The following MYH4 variants were observed in gnomAD, a reference collection of about 807,000 sequenced individuals.
The protein encoded by MYH4 is myosin-4.
A neutral mutation model predicts 229.9 loss-of-function variants in MYH4; 200 were observed. The observed-to-expected ratio is 0.87, with a 90% CI of 0.78 to 0.98. The LOEUF (loss-of-function observed/expected upper bound fraction) is 0.98, where lower values mean the gene tolerates loss of function less well. Among genes scored for constraint, MYH4 ranks in the 50% least tolerant of loss-of-function variants. The probability of loss-of-function intolerance (pLI) is 0.00; values close to 1 mark genes in which losing one functional copy is unlikely to be tolerated. For synonymous variants in MYH4, 761 were observed against 834.6 expected, an observed-to-expected ratio of 0.91 and a Z score of 1.52; for missense variants, 2,148 against 2,332.6, an observed-to-expected ratio of 0.92 and a Z score of 1.63.
rs759769347 is a variant in MYH4, at chr17:10,452,902, G to A, written c.3142C>T (p.Leu1048Phe). The A allele has an allele frequency of 1.2e-6, 2 of 1,602,294 alleles. No individual in the cohort carries two copies. The highest frequency in any genetic ancestry group is 1.4e-5 in the African/African-American group (1 of 73,894). The change falls in exon 25 of 40, where the codon CTT (leucine) becomes TTT (phenylalanine). Residue 1048 changes from leucine (L) to phenylalanine (F), a missense_variant. Physicochemically the swap from Leu to Phe is conservative, Grantham distance 22 (BLOSUM62 0). Coordinates refer to ENST00000255381, the MANE Select transcript of MYH4 (RefSeq NM_017533.2). The part of the protein sequence containing the change: ...LEGSLEQEKK[L>F]CMDLERAKRK... ...TTGGCTCTTTCTAAGTCCATGCAAA[G>A]TTTCTTTTCTTGTTCCAGAGATCCT... is the stretch of plus-strand genomic sequence containing the variant.
In MYH4 at chr17:10,457,620, A is replaced by T; in HGVS notation, c.1697T>A (p.Phe566Tyr). 6.2e-7 allele frequency: 1 copy of T among 1,614,132 alleles called. No homozygotes were observed. Among genetic ancestry groups the T allele is most frequent in the Non-Finnish European group, 8.5e-7 (1 of 1,180,026 alleles). The stretch of plus-strand genomic sequence containing the variant: ...GCCTTTGGCAGGCTTGGGCTTCTGG[A>T]AGTTGTTGGATTTTCCAAGATGTTG... ...YEQHLGKSNN[F>Y]QKPKPAKGKP... The change falls in exon 16 of 40, where the codon TTC becomes TAC. Residue 566 changes from phenylalanine to tyrosine, a missense_variant. Physicochemically the swap from Phe to Tyr is conservative, Grantham distance 22. Coordinates refer to ENST00000255381, the MANE Select transcript of MYH4 (RefSeq NM_017533.2).
rs1308563780 is a variant in MYH4 at position 10,447,134 on chromosome 17, TTAG to T, written c.5045_5047del (p.Ala1682_Asn1683delinsAsp). 1.2e-6 allele frequency: 2 copies of T among 1,614,140 alleles called. No individual in the cohort carries two copies. Among genetic ancestry groups the T allele is most frequent in the Admixed American group, 1.7e-5 (1 of 60,010 alleles). ...CTCTTCAACTTCAGCCTGCATCAGG[TTAG>T]CTCTGCGCTCAACCATTGCCAGTTG... On this transcript the variant is annotated inframe_deletion, in exon 35 of 40. Transcript: ENST00000255381.
In MYH4 at chr17:10,462,857, T is replaced by C. The variant is rs2072717149; in HGVS notation, c.1008+8A>G. On this transcript the variant is annotated splice_region_variant and intron_variant, in intron 11 of 39. Coordinates refer to ENST00000255381, the MANE Select transcript of MYH4 (RefSeq NM_017533.2). ...TTTACTTTTTACTACTTTGTACCTATTACTTACATCTGTGGCCATCAGCTC... is the reference window on the plus strand; with the variant it reads ...TTTACTTTTTACTACTTTGTACCTACTACTTACATCTGTGGCCATCAGCTC... 1 of 1,607,626 alleles carries C rather than the reference T, an allele frequency of 6.2e-7. No homozygotes were observed. Among genetic ancestry groups the C allele is most frequent in the Non-Finnish European group, 8.5e-7 (1 of 1,175,198 alleles).
At position 10,455,165 on chromosome 17, in the gene MYH4, G is replaced by A. The variant is rs1294729470; in HGVS notation, c.2298+7C>T. ...TTATGACAGATAGAAATTTGGACTG[G>A]TGATACCTTGGTATGACCGAATTTG... is the stretch of plus-strand genomic sequence containing the variant. On this transcript the variant is annotated splice_region_variant and intron_variant, in intron 20 of 39. Coordinates refer to ENST00000255381, the MANE Select transcript of MYH4 (RefSeq NM_017533.2). 1 of 1,614,182 alleles carries A rather than the reference G, an allele frequency of 6.2e-7. No individual in the cohort carries two copies. The highest frequency in any genetic ancestry group is 8.5e-7 in the Non-Finnish European group (1 of 1,180,016).
chr17:10,453,773 T>C lies in MYH4; in HGVS notation c.2804A>G (p.Glu935Gly), dbSNP rs1330564825. The C allele has an allele frequency of 6.8e-6, 11 of 1,614,110 alleles. No individual in the cohort carries two copies. Among genetic ancestry groups the C allele is most frequent in the Non-Finnish European group, 9.3e-6 (11 of 1,180,002 alleles). The change falls in exon 23 of 40, where the codon GAG becomes GGG. Residue 935 changes from glutamate (E) to glycine (G), a missense_variant. By Grantham distance (98) the Glu-to-Gly change is moderately conservative. Transcript: ENST00000255381. ...CTTGGCTGTCAGCTCAGCATTGATC[T>C]CTTCCTCATCCTCAGCTCTTTCAGT... ...EVTERAEDEE[E>G]INAELTAKKR...
intron 30 of MYH4, among the ~76,000 whole-genome samples, chr17:10,449,601 T>C (rs2072550268): frequency 6.6e-6 from 1 of 152,224 alleles, no homozygotes. Flanking sequence ...TTTTCTAGTA[T>C]GGTTCTGTTT....
chr17:10,453,234 G>T lies in MYH4; in HGVS notation c.3029C>A (p.Thr1010Asn). The change falls in exon 24 of 40, where the codon ACC (threonine) becomes AAC (asparagine). Residue 1010 changes from threonine (T) to asparagine (N), a missense_variant. By Grantham distance (65) the Thr-to-Asn change is moderately conservative (BLOSUM62 0). Transcript: ENST00000255381. ...KKALQEAHQQ[T>N]LDDLQMEEDK... ...CTCCTCCATCTGCAGGTCATCCAGGGTCTGCTGGTGGGCCTCCTGGAGAGC... is the reference window on the plus strand; with the variant it reads ...CTCCTCCATCTGCAGGTCATCCAGGTTCTGCTGGTGGGCCTCCTGGAGAGC... The T allele has an allele frequency of 1.2e-6, 2 of 1,614,008 alleles. No individual in the cohort carries two copies. Among genetic ancestry groups the T allele is most frequent in the South Asian group, 1.1e-5 (1 of 91,072 alleles).
At position 10,452,176 on chromosome 17, in the gene MYH4, T is replaced by C. The variant is rs765024883; in HGVS notation, c.3503A>G (p.Asn1168Ser). 1.9e-6 allele frequency: 3 copies of C among 1,613,980 alleles called. No homozygotes were observed. The highest frequency in any genetic ancestry group is 1.7e-5 in the Admixed American group (1 of 60,024). Reference sequence around the variant, plus strand: ...CTGGAACTCAGCCTCCCGCTTCTTGTTCATCTCAATCTGGGCTGAAGTGGC... The same window carrying C: ...CTGGAACTCAGCCTCCCGCTTCTTGCTCATCTCAATCTGGGCTGAAGTGGC... ...GGATSAQIEM[N>S]KKREAEFQKM... Residue 1168 changes from asparagine (N) to serine (S), a missense_variant, in exon 27 of 40, where the codon AAC becomes AGC. Transcript: ENST00000255381.
chr17:10,445,389 G>GA, intron 35 of MYH4, 27 bp from the exon 36 acceptor site: 1 of 1,526,240 alleles, frequency 6.6e-7, no homozygotes, highest in African/African-American at 1.7e-5. Context: ...AAAGAGAAGA[G>GA]AAGCACATTT....
At chr17:10,466,810 A>G in intron 2 of MYH4, 26 bp from the exon 3 acceptor site, 2 of 1,582,008 alleles carry the variant, frequency 1.3e-6, no homozygotes, top group African/African-American at 1.3e-5. Flanking sequence ...GAGCCAAATG[A>G]TGATTCAGGG....
At chr17:10,446,704 G>A (rs1358454128) in intron 35 of MYH4, among the ~76,000 whole-genome samples, 2 of 151,902 alleles carry the variant, frequency 1.3e-5, no homozygotes, top group Non-Finnish European at 2.9e-5. Context: ...CTATCTTTTT[G>A]TAGCTTAGAG....
chr17:10,446,990 T>TA, intron 35 of MYH4, 23 bp downstream of exon 35: 1 of 1,606,622 alleles, frequency 6.2e-7, no homozygotes, highest in Non-Finnish European at 8.5e-7. Context: ...GTACATTTTC[T>TA]AAACCATAGT....
intron 28 of MYH4, 98 bp from the exon 29 acceptor site, chr17:10,450,993 G>T: frequency 9.5e-7 from 1 of 1,052,788 alleles, no homozygotes. Flanking sequence ...TTCATATGAT[G>T]AAAAAACCCC....
Position 10,461,000 on chromosome 17 carries a change from G to A in MYH4, c.1063C>T (p.Leu355Phe). The change falls in exon 12 of 40, where the codon CTC (leucine) becomes TTC (phenylalanine). Residue 355 changes from leucine to phenylalanine, a missense_variant. Physicochemically the swap from Leu to Phe is conservative, Grantham distance 22. Coordinates refer to ENST00000255381, the MANE Select transcript of MYH4 (RefSeq NM_017533.2). ...CCATAATGCATCACGGCTCCAGTGA[G>A]CTTGTAAATGGCCACCTTTTCATCA... is the stretch of plus-strand genomic sequence containing the variant. ...TADEKVAIYK[L>F]TGAVMHYGNM... is the part of the protein sequence containing the mutation. The A allele has an allele frequency of 6.2e-7, 1 of 1,614,062 alleles. No homozygotes were observed. Among genetic ancestry groups the A allele is most frequent in the Non-Finnish European group, 8.5e-7 (1 of 1,179,994 alleles).
rs774651997 is a variant in MYH4, at chr17:10,447,816, A to G, written c.4965+2T>C. ...ACACTATGTGTATTTACCCCAGCAT[A>G]CCTTCAGTATTCCTTGTGTGTTTCT... On this transcript the variant is annotated splice_donor_variant, in intron 34 of 39. Transcript: ENST00000255381. LOFTEE classifies it high-confidence loss of function. 6.7e-5 allele frequency: 108 copies of G among 1,604,274 alleles called. No individual in the cohort carries two copies. Among genetic ancestry groups the G allele is most frequent in the Non-Finnish European group, 8.4e-5 (99 of 1,174,838 alleles).
At position 10,455,191 on chromosome 17, in the gene MYH4, T is replaced by C; in HGVS notation, c.2279A>G (p.Tyr760Cys). ...TGATACCTTGGTATGACCGAATTTG[T>C]ACTGGGTGTGGTCAATTTCAATAGA... Reference protein sequence around the residue: ...LGSIEIDHTQYKFGHTKVFFK... With the variant: ...LGSIEIDHTQCKFGHTKVFFK... Residue 760 changes from tyrosine (Y) to cysteine (C), a missense_variant, in exon 20 of 40, where the codon TAC becomes TGC. Physicochemically the swap from Tyr to Cys is radical, Grantham distance 194 (BLOSUM62 -2). Coordinates refer to ENST00000255381, the MANE Select transcript of MYH4 (RefSeq NM_017533.2). 2 of 1,614,216 alleles carry C rather than the reference T, an allele frequency of 1.2e-6. No homozygotes were observed. Among genetic ancestry groups the C allele is most frequent in the Non-Finnish European group, 1.7e-6 (2 of 1,180,034 alleles).
intron 11 of MYH4, among the ~76,000 whole-genome samples, chr17:10,461,943 A>C (rs1304113067): frequency 6.6e-6 from 1 of 152,220 alleles, no homozygotes; most frequent in Non-Finnish European, 1.5e-5. Context: ...CGGAAGTCTT[A>C]GAGCAAGACT....
rs889507710 is a variant in MYH4 at position 10,454,815 on chromosome 17, A to C, written c.2436-5T>G. The C allele has an allele frequency of 6.2e-7, 1 of 1,611,726 alleles. No individual in the cohort carries two copies. The highest frequency in any genetic ancestry group is 8.5e-7 in the Non-Finnish European group (1 of 1,178,754). On this transcript the variant is annotated splice_region_variant and splice_polypyrimidine_tract_variant and intron_variant, in intron 21 of 39. Coordinates refer to ENST00000255381, the MANE Select transcript of MYH4 (RefSeq NM_017533.2). The stretch of plus-strand genomic sequence containing the variant: ...TGAATGCAGAAGATGGACTCTCTGT[A>C]GGAAAAGAAAAAAAGATGCAAATGG...
chr17:10,460,470 A>G (rs1259372151), intron 12 of MYH4, 149 bp from the exon 13 acceptor site: 2 of 664,768 alleles, frequency 3.0e-6, no homozygotes, highest in Admixed American at 6.0e-5. Flanking sequence ...TTGCCTCAAA[A>G]GCATTGCCAC....
Sources: gnomAD v4.1 joint callset for allele counts (sites outside exome capture counted in the v4.1 genomes callset) on GRCh38, gnomAD v4.1.1 for gene constraint, MANE v1.5 for transcripts, NCBI Gene and HGNC (gene_info 2026-07-23, HGNC 2026-07-21) for gene names.